The following FAM135B variants were observed in gnomAD, a reference collection of about 807,000 sequenced individuals.
FAM135B encodes family with sequence similarity 135 member B.
A neutral mutation model predicts 127.7 loss-of-function variants in FAM135B; 43 were observed. The observed-to-expected ratio is 0.34, with a 90% CI of 0.26 to 0.43. FAM135B has a LOEUF of 0.43. Ranked by LOEUF, FAM135B falls within the 20% of genes least tolerant of loss-of-function variation. The pLI is 1.00. For synonymous variants in FAM135B, 670 were observed against 665.1 expected (o/e 1.01, Z -0.11); for missense variants, 1,558 against 1,725.6 (o/e 0.90, Z 1.72).
Position 138,218,757 on chromosome 8 carries a change from A to G in FAM135B, c.670-21088T>C, listed in dbSNP as rs1413494434. Among the ~76,000 whole-genome samples, 199 of 55,138 alleles carry G rather than the reference A, an allele frequency of 3.6e-3. 2 individuals carry two copies. The highest frequency in any genetic ancestry group is 0.011 in the African/African-American group (183 of 16,524). The allele number at this position is 55,138 out of a possible 152,430, so 36.2% of individuals were successfully genotyped here. On this transcript the variant is annotated intron_variant, in intron 7 of 19. Coordinates refer to ENST00000395297, the MANE Select transcript of FAM135B (RefSeq NM_015912.4). The stretch of plus-strand genomic sequence containing the variant: ...CTGCTCCTCCCAAACTTACACGCAC[A>G]CACACACACAGAGAGAGAGAGAGAG...
At chr8:138,467,872 C>G (rs538665856) in intron 1 of FAM135B, among the ~76,000 whole-genome samples, 1 of 152,058 alleles carries the variant, frequency 6.6e-6, no homozygotes, top group Non-Finnish European at 1.5e-5. Flanking sequence ...TATGAAATAT[C>G]ATTTATTTAC....
In FAM135B at chr8:138,146,411, C is replaced by T. The variant is rs559494065; in HGVS notation, c.3449-361G>A. 5.3e-5 allele frequency among the ~76,000 whole-genome samples: 8 copies of T among 152,260 alleles called. No homozygotes were observed. The South Asian group carries it at 1.2e-3, about 24-fold the overall frequency. ...CAGTTCTTTCGAATGGCTGATGGGG[C>T]ACAATGCGACTCATACGAGCCCCAT... is the stretch of plus-strand genomic sequence containing the variant. On this transcript the variant is annotated intron_variant, in intron 14 of 19. Transcript: ENST00000395297.
chr8:138,297,251 C>A (rs569395925), intron 3 of FAM135B, among the ~76,000 whole-genome samples: 19 of 152,262 alleles, frequency 1.2e-4, no homozygotes, highest in South Asian at 1.2e-3. Context: ...ACAGGCAGAG[C>A]CGCTGCCGTT....
chr8:138,339,947 G>A (rs758351327), intron 2 of FAM135B, among the ~76,000 whole-genome samples: 33 of 152,318 alleles, frequency 2.2e-4, no homozygotes, highest in Non-Finnish European at 2.8e-4. Context: ...CCAGCCTGCA[G>A]TGGGCACAGC....
intron 3 of FAM135B, among the ~76,000 whole-genome samples, chr8:138,295,603 A>G (rs1262314281): frequency 6.6e-6 from 1 of 152,158 alleles, no homozygotes; most frequent in African/African-American, 2.4e-5. Context: ...GTAGCCTGTG[A>G]GCAGAGTTCT....
At chr8:138,415,386 C>A (rs572389585) in intron 1 of FAM135B, among the ~76,000 whole-genome samples, 11 of 152,258 alleles carry the variant, frequency 7.2e-5, no homozygotes, top group African/African-American at 2.6e-4. Context: ...TGACTCTGAC[C>A]TCACAACACT....
At chr8:138,322,253 G>A (rs775535279) in intron 2 of FAM135B, among the ~76,000 whole-genome samples, 13 of 152,174 alleles carry the variant, frequency 8.5e-5, no homozygotes, top group Non-Finnish European at 1.3e-4. Flanking sequence ...AGTGTTAGTG[G>A]AGACTCAAAA....
In FAM135B at chr8:138,291,524, AT is replaced by A. The variant is rs985847561; in HGVS notation, c.157+19316del. 4.8e-3 allele frequency among the ~76,000 whole-genome samples: 728 copies of A among 152,330 alleles called. 4 individuals are homozygous for A. The highest frequency in any genetic ancestry group is 0.017 in the African/African-American group (689 of 41,588). On this transcript the variant is annotated intron_variant, in intron 3 of 19. Transcript: ENST00000395297. ...ATATAGACCAATATATCTGATGAACATAGATGCAAATATTTTGATCAAAATA... is the reference window on the plus strand; with the variant it reads ...ATATAGACCAATATATCTGATGAACAAGATGCAAATATTTTGATCAAAATA...
intron 1 of FAM135B, among the ~76,000 whole-genome samples, chr8:138,447,211 T>G (rs926588617): frequency 6.6e-6 from 1 of 152,182 alleles, no homozygotes; most frequent in Non-Finnish European, 1.5e-5. Context: ...TTGGTGGGAC[T>G]GTAAACTAGT....
In FAM135B at chr8:138,264,865, G is replaced by A. The variant is rs554035995; in HGVS notation, c.297+838C>T. Among the ~76,000 whole-genome samples, 6 of 152,234 alleles carry A rather than the reference G, an allele frequency of 3.9e-5. No homozygotes were observed. In the South Asian group the frequency reaches 1.2e-3, roughly 32 times the overall value. ...CACACCACATGAGGAATGCAAGTAG[G>A]GGATTTCTAATTAGAACTTCCTAAA... On this transcript the variant is annotated intron_variant, in intron 4 of 19. Coordinates refer to ENST00000395297, the MANE Select transcript of FAM135B (RefSeq NM_015912.4).
chr8:138,148,719 C>T, intron 13 of FAM135B, 33 bp from the exon 14 acceptor site: 1 of 1,529,116 alleles, frequency 6.5e-7, no homozygotes, highest in Non-Finnish European at 8.9e-7. Context: ...ACAAGCCAAG[C>T]TGTGTACTTC....
intron 1 of FAM135B, among the ~76,000 whole-genome samples, chr8:138,378,705 T>A (rs1489343151): frequency 1.3e-5 from 2 of 151,082 alleles, no homozygotes; most frequent in African/African-American, 4.9e-5. Flanking sequence ...TCCTTCAATA[T>A]AGAAATCAAA....
chr8:138,487,852 A>C (rs1815042888), intron 1 of FAM135B, among the ~76,000 whole-genome samples: 1 of 151,932 alleles, frequency 6.6e-6, no homozygotes, highest in Admixed American at 6.6e-5. Context: ...AAATACAAAA[A>C]AATTAGCCAG....
intron 2 of FAM135B, among the ~76,000 whole-genome samples, chr8:138,355,034 C>T (rs1293397640): frequency 2.6e-5 from 4 of 152,100 alleles, no homozygotes; most frequent in African/African-American, 9.7e-5. Flanking sequence ...CAGCAGGCCC[C>T]GGTGTGTGAT....
chr8:138,333,548 A>G (rs1223274559), intron 2 of FAM135B, among the ~76,000 whole-genome samples: 1 of 152,056 alleles, frequency 6.6e-6, no homozygotes, highest in Non-Finnish European at 1.5e-5. Context: ...GGGGCTCCCC[A>G]CTGTTTTCTA....
chr8:138,289,195 C>A (rs906509661), intron 3 of FAM135B, among the ~76,000 whole-genome samples: 18 of 152,186 alleles, frequency 1.2e-4, no homozygotes, highest in Admixed American at 9.2e-4. Flanking sequence ...GAGATTCTTG[C>A]AGACAGGTTG....
At chr8:138,338,556 T>A (rs1828793637) in intron 2 of FAM135B, among the ~76,000 whole-genome samples, 3 of 151,128 alleles carry the variant, frequency 2.0e-5, no homozygotes. Context: ...AAAACCACAA[T>A]GAGATACCAT....
intron 1 of FAM135B, among the ~76,000 whole-genome samples, chr8:138,444,314 A>G (rs570231358): frequency 6.6e-6 from 1 of 152,310 alleles, no homozygotes; most frequent in South Asian, 2.1e-4. Context: ...ATAGACATCT[A>G]CAGAACTCTC....
At chr8:138,370,318 T>C (rs1172679895) in intron 1 of FAM135B, among the ~76,000 whole-genome samples, 1 of 152,168 alleles carries the variant, frequency 6.6e-6, no homozygotes, top group African/African-American at 2.4e-5. Context: ...GTTTTGGAAC[T>C]TGTAAACACA....
Sources: allele counts gnomAD v4.1 joint callset (sites outside exome capture counted in the v4.1 genomes callset), GRCh38; gene constraint gnomAD v4.1.1; transcripts MANE v1.5; gene names NCBI Gene and HGNC (gene_info 2026-07-23, HGNC 2026-07-21).